The following AGMO variants were observed in gnomAD, a reference collection of about 807,000 sequenced individuals.
AGMO encodes alkylglycerol monooxygenase, also known as glyceryl-ether monooxygenase.
AGMO carries 75 observed loss-of-function variants against 60.2 expected under a neutral mutation model. The ratio of observed to expected loss-of-function variants is 1.25; its 90% CI spans 1.03 to 1.51. The LOEUF (loss-of-function observed/expected upper bound fraction) is 1.51, where lower values mean the gene tolerates loss of function less well. Among genes scored for constraint, AGMO ranks in the 40% most tolerant of loss-of-function variants. The pLI, the probability that AGMO is intolerant of heterozygous loss-of-function variation, is 0.00. For synonymous variants in AGMO, 261 were observed against 177.1 expected (o/e 1.47, Z -3.76); for missense variants, 763 against 525.5 (o/e 1.45, Z -4.42).
intron 3 of AGMO, among the ~76,000 whole-genome samples, chr7:15,442,481 G>T (rs532130046): frequency 1.4e-4 from 22 of 152,240 alleles, no homozygotes; most frequent in African/African-American, 5.1e-4. Flanking sequence ...TTCTAGTACA[G>T]ATAACCTCAT....
At chr7:15,352,955 C>G (rs1405573491) in intron 12 of AGMO, among the ~76,000 whole-genome samples, 3 of 152,016 alleles carry the variant, frequency 2.0e-5, no homozygotes, top group Non-Finnish European at 4.4e-5. Context: ...AACGCAGCGG[C>G]CATCTTGTTA....
intron 3 of AGMO, among the ~76,000 whole-genome samples, chr7:15,447,618 T>C (rs1216411953): frequency 6.6e-6 from 1 of 152,138 alleles, no homozygotes; most frequent in African/African-American, 2.4e-5. Flanking sequence ...TGGCACGATC[T>C]TGGCTCACTG....
intron 3 of AGMO, among the ~76,000 whole-genome samples, chr7:15,502,351 A>G (rs971968791): frequency 6.6e-6 from 1 of 151,870 alleles, no homozygotes; most frequent in Non-Finnish European, 1.5e-5. Flanking sequence ...GCATGGGTGA[A>G]TGCAAGAGGC....
chr7:15,364,872 A>T (rs1388706218), intron 12 of AGMO, among the ~76,000 whole-genome samples: 2 of 152,070 alleles, frequency 1.3e-5, no homozygotes, highest in Admixed American at 6.6e-5. Flanking sequence ...CACCAAAGTT[A>T]AACAATATAA....
At chr7:15,288,773 A>G (rs114107568) in intron 12 of AGMO, among the ~76,000 whole-genome samples, 3,355 of 151,636 alleles carry the variant, frequency 0.022, 124 homozygotes, top group African/African-American at 0.077. Context: ...TGAAAAAAAA[A>G]AAAGAAAGAA....
In AGMO at chr7:15,459,599, T is replaced by TGTGTGTGTGTGTGTGTGTGTGTG. The variant is rs1554274867; in HGVS notation, c.410-28492_410-28491insCACACACACACACACACACACAC. On this transcript the variant is annotated intron_variant, in intron 3 of 12. Transcript: ENST00000342526. ...GATCTTTAAATGTGTGTATGTGCGT[T>TGTGTGTGTGTGTGTGTGTGTGTG]TGTGTGTGTGTGTGTGTGTGTGTGT... Among the ~76,000 whole-genome samples, 44 of 142,226 alleles carry TGTGTGTGTGTGTGTGTGTGTGTG rather than the reference T, an allele frequency of 3.1e-4. 1 individual carries two copies. Among genetic ancestry groups the TGTGTGTGTGTGTGTGTGTGTGTG allele is most frequent in the South Asian group, 2.1e-3 (9 of 4,390 alleles). 93.3% of individuals were successfully genotyped at this position (142,226 alleles called of 152,430 possible).
intron 5 of AGMO, among the ~76,000 whole-genome samples, chr7:15,410,418 T>G (rs1784807536): frequency 6.6e-6 from 1 of 151,882 alleles, no homozygotes; most frequent in African/African-American, 2.4e-5. Flanking sequence ...ACAATGTACT[T>G]TATGATTAGA....
At chr7:15,224,205 C>T (rs1386257041) in intron 12 of AGMO, among the ~76,000 whole-genome samples, 1 of 151,950 alleles carries the variant, frequency 6.6e-6, no homozygotes, top group Non-Finnish European at 1.5e-5. Flanking sequence ...ATTCACAGAA[C>T]TACACTCTTG....
chr7:15,527,933 A>G (rs1205254845), intron 3 of AGMO, among the ~76,000 whole-genome samples: 2 of 152,192 alleles, frequency 1.3e-5, no homozygotes, highest in Non-Finnish European at 2.9e-5. Context: ...TGCTCTGAAA[A>G]AAAAAGAATT....
intron 3 of AGMO, among the ~76,000 whole-genome samples, chr7:15,531,438 A>T (rs1471669484): frequency 3.7e-4 from 23 of 61,508 alleles, no homozygotes; most frequent in Non-Finnish European, 5.1e-4. Context: ...CTATATATAT[A>T]TTCTATATAT....
intron 12 of AGMO, among the ~76,000 whole-genome samples, chr7:15,338,000 G>A (rs1230199140): frequency 6.6e-6 from 1 of 152,082 alleles, no homozygotes; most frequent in Non-Finnish European, 1.5e-5. Context: ...ACAGCTCCAG[G>A]GAAGATGTGA....
intron 12 of AGMO, among the ~76,000 whole-genome samples, chr7:15,270,596 A>AT (rs527463907): frequency 3.7e-4 from 18 of 48,066 alleles, no homozygotes; most frequent in Admixed American, 8.0e-4. Context: ...TCTGTTGATA[A>AT]TTTTTTTTTT....
intron 12 of AGMO, among the ~76,000 whole-genome samples, chr7:15,310,754 T>C (rs191393305): frequency 1.0e-3 from 155 of 152,254 alleles, no homozygotes; most frequent in Non-Finnish European, 1.7e-3. Flanking sequence ...TTTTTTACAG[T>C]TCTGGAGGTC....
chr7:15,254,744 G>GA (rs770043498), intron 12 of AGMO, among the ~76,000 whole-genome samples: 42 of 147,892 alleles, frequency 2.8e-4, no homozygotes, highest in African/African-American at 9.4e-4. Flanking sequence ...TAACCAGCCT[G>GA]AAAAAAAAAG....
intron 12 of AGMO, among the ~76,000 whole-genome samples, chr7:15,320,297 T>C (rs1781069468): frequency 6.6e-6 from 1 of 151,796 alleles, no homozygotes; most frequent in Non-Finnish European, 1.5e-5. Flanking sequence ...ATAAATAAAA[T>C]ATAATGTATC....
chr7:15,381,373 C>T (rs920548565), intron 10 of AGMO, among the ~76,000 whole-genome samples: 31 of 150,646 alleles, frequency 2.1e-4, no homozygotes, highest in African/African-American at 6.6e-4. Flanking sequence ...GCGAAGAACA[C>T]GAACCTTTCA....
At chr7:15,369,953 T>G (rs1230370960) in intron 10 of AGMO, among the ~76,000 whole-genome samples, 1 of 152,222 alleles carries the variant, frequency 6.6e-6, no homozygotes, top group African/African-American at 2.4e-5. Context: ...TTTGCAGGTT[T>G]GTTACATTAG....
At chr7:15,332,947 G>A (rs1040353074) in intron 12 of AGMO, among the ~76,000 whole-genome samples, 1 of 152,088 alleles carries the variant, frequency 6.6e-6, no homozygotes, top group Non-Finnish European at 1.5e-5. Flanking sequence ...AAAGTTAAAT[G>A]TATCAGTTCC....
At chr7:15,371,220 T>C (rs1272845489) in intron 10 of AGMO, among the ~76,000 whole-genome samples, 2 of 152,060 alleles carry the variant, frequency 1.3e-5, no homozygotes, top group African/African-American at 2.4e-5. Flanking sequence ...TTAATAACAA[T>C]GTTTTATTTT....
Sources: allele counts gnomAD v4.1 joint callset (sites outside exome capture counted in the v4.1 genomes callset), GRCh38; gene constraint gnomAD v4.1.1; transcripts MANE v1.5; gene names NCBI Gene and HGNC (gene_info 2026-07-23, HGNC 2026-07-21).